Variants in FBN2 observed in about 807,000 individuals in gnomAD.
The protein encoded by FBN2 is fibrillin-2.
A neutral mutation model predicts 355.6 loss-of-function variants in FBN2; 105 were observed. That is an observed-to-expected ratio of 0.30 (90% CI 0.25 to 0.35). The LOEUF (loss-of-function observed/expected upper bound fraction) is 0.35, where lower values mean the gene tolerates loss of function less well. Ranked by LOEUF, FBN2 falls within the 10% of genes least tolerant of loss-of-function variation. FBN2 has a pLI of 1.00. For missense variants in FBN2, 3,280 were observed against 3,758.7 expected (o/e 0.87, Z 3.33); for synonymous variants, 1,350 against 1,301.2 (o/e 1.04, Z -0.81).
intron 4 of FBN2, among the ~76,000 whole-genome samples, chr5:128,524,596 T>G (rs1393757545): frequency 1.3e-5 from 2 of 152,186 alleles, no homozygotes; most frequent in Non-Finnish European, 2.9e-5. Flanking sequence ...GCAAGCATCC[T>G]ATTTCCAAGA....
At chr5:128,280,455 G>T in intron 55 of FBN2, 138 bp from the exon 56 acceptor site, 1 of 669,214 alleles carries the variant, frequency 1.5e-6, no homozygotes, top group Non-Finnish European at 2.6e-6. Flanking sequence ...GGTCATGTGT[G>T]AATATTAATT....
chr5:128,530,106 G>A (rs1439617154), intron 3 of FBN2, among the ~76,000 whole-genome samples: 2 of 151,992 alleles, frequency 1.3e-5, no homozygotes, highest in Admixed American at 6.6e-5. Context: ...ATTAATCTTC[G>A]ACCTTAAGGA....
intron 2 of FBN2, among the ~76,000 whole-genome samples, chr5:128,533,159 GTT>G (rs1213366021): frequency 6.6e-6 from 1 of 152,218 alleles, no homozygotes; most frequent in Non-Finnish European, 1.5e-5. Flanking sequence ...ATGTACTACA[GTT>G]TCTGATCACC....
rs967312376 is a variant in FBN2 at position 128,259,940 on chromosome 5, A to G, written c.8365-111T>C. ...TCACGAGGACAGGCTGTGGCTTCCC[A>G]CTCCCGCTTTCTGCACTCTCCTTAC... On this transcript the variant is annotated intron_variant, in intron 64 of 64. Coordinates refer to ENST00000262464, the MANE Select transcript of FBN2 (RefSeq NM_001999.4). 8.4e-5 allele frequency: 92 copies of G among 1,100,010 alleles called. No homozygotes were observed. In the African/African-American group the frequency reaches 1.3e-3, roughly 15 times the overall value. 68.1% of individuals were successfully genotyped at this position (1,100,010 alleles called of 1,614,324 possible). A position where few individuals can be genotyped will look rare whatever the true frequency, so the allele number is the denominator to read the frequency against.
chr5:128,369,343 G>A lies in FBN2; in HGVS notation c.2096-9C>T. 2 of 1,613,862 alleles carry A rather than the reference G, an allele frequency of 1.2e-6. No individual in the cohort carries two copies. Among genetic ancestry groups the A allele is most frequent in the East Asian group, 2.2e-5 (1 of 44,862 alleles). On this transcript the variant is annotated splice_polypyrimidine_tract_variant and intron_variant, in intron 15 of 64. Transcript: ENST00000262464. Reference sequence around the variant, plus strand: ...ACTGCGCATGTGAGTATCTAAAGGAGATACAAAAACAATGACTTGAGGCAG... The same window carrying A: ...ACTGCGCATGTGAGTATCTAAAGGAAATACAAAAACAATGACTTGAGGCAG...
chr5:128,400,390 C>T (rs1052309275), intron 8 of FBN2, among the ~76,000 whole-genome samples: 3 of 152,136 alleles, frequency 2.0e-5, no homozygotes, highest in Middle Eastern at 6.8e-3. Flanking sequence ...TAAAAAATTA[C>T]TAGACTACAT....
At chr5:128,310,400 ATATTTT>A (rs1270564083) in intron 39 of FBN2, among the ~76,000 whole-genome samples, 19 of 13,268 alleles carry the variant, frequency 1.4e-3, no homozygotes, top group African/African-American at 4.8e-3. Flanking sequence ...ATATATATAT[ATATTTT>A]TTTTTTTTTT....
intron 62 of FBN2, among the ~76,000 whole-genome samples, chr5:128,267,458 T>C (rs1765145579): frequency 6.6e-6 from 1 of 152,194 alleles, no homozygotes; most frequent in Non-Finnish European, 1.5e-5. Context: ...AGTTTTCCTA[T>C]TTCTCCACAG....
At chr5:128,275,279 T>C (rs1257531460) in intron 59 of FBN2, among the ~76,000 whole-genome samples, 1 of 152,114 alleles carries the variant, frequency 6.6e-6, no homozygotes, top group East Asian at 1.9e-4. Context: ...ATATACCACA[T>C]AAGATGTAGG....
chr5:128,297,202 A>G (rs1749547708), intron 48 of FBN2, among the ~76,000 whole-genome samples: 1 of 151,998 alleles, frequency 6.6e-6, no homozygotes, highest in African/African-American at 2.4e-5. Context: ...GGTCTGAGAG[A>G]TAGTTTGTTA....
At chr5:128,433,328 T>C (rs1753673846) in intron 7 of FBN2, among the ~76,000 whole-genome samples, 1 of 152,176 alleles carries the variant, frequency 6.6e-6, no homozygotes. Flanking sequence ...AGTTTGAAGT[T>C]AGACTGCAGT....
At position 128,357,189 on chromosome 5, in the gene FBN2, T is replaced by C. The variant is rs1561787344; in HGVS notation, c.2674+87A>G. On this transcript the variant is annotated intron_variant, in intron 20 of 64. Transcript: ENST00000262464. ...TGTAATTCTTTGCTTTTTGGAATCA[T>C]ATTCTGTTTTTATCCGTAGTAAGGC... 2.0e-6 allele frequency: 3 copies of C among 1,529,416 alleles called. No individual in the cohort carries two copies. The African/African-American group carries it at 4.1e-5, about 21-fold the overall frequency. The allele number at this position is 1,529,416 out of a possible 1,614,324, so 94.7% of individuals were successfully genotyped here. A position where few individuals can be genotyped will look rare whatever the true frequency, so the allele number is the denominator to read the frequency against.
At chr5:128,416,525 G>A (rs1387790801) in intron 7 of FBN2, among the ~76,000 whole-genome samples, 1 of 152,202 alleles carries the variant, frequency 6.6e-6, no homozygotes, top group Non-Finnish European at 1.5e-5. Flanking sequence ...CCTTCTTCTA[G>A]TAGTTTTATG....
chr5:128,497,447 A>T (rs1011232957), intron 5 of FBN2, among the ~76,000 whole-genome samples: 5 of 152,206 alleles, frequency 3.3e-5, no homozygotes, highest in African/African-American at 1.2e-4. Flanking sequence ...AGTCCACTTC[A>T]AACTTGTACA....
At chr5:128,494,525 T>C (rs1271065813) in intron 5 of FBN2, among the ~76,000 whole-genome samples, 1 of 152,304 alleles carries the variant, frequency 6.6e-6, no homozygotes, top group Admixed American at 6.5e-5. Flanking sequence ...GAGCAATTTA[T>C]ACCCCAGGGC....
intron 7 of FBN2, 74 bp from the exon 8 acceptor site, chr5:128,408,873 T>A (rs1752999527): frequency 5.8e-6 from 9 of 1,539,628 alleles, no homozygotes; most frequent in Admixed American, 1.7e-5. Flanking sequence ...ATTTTTTTTT[T>A]AAGAGTATGA....
At chr5:128,521,823 C>T (rs967298985) in intron 4 of FBN2, among the ~76,000 whole-genome samples, 4 of 152,146 alleles carry the variant, frequency 2.6e-5, no homozygotes, top group African/African-American at 7.2e-5. Flanking sequence ...GCAGGTAGAA[C>T]AAGGCTGGAT....
At chr5:128,409,212 A>G (rs183424240) in intron 7 of FBN2, among the ~76,000 whole-genome samples, 34 of 152,318 alleles carry the variant, frequency 2.2e-4, no homozygotes, top group Admixed American at 1.2e-3. Context: ...TTTTCACACT[A>G]TTTGAAGCAA....
intron 35 of FBN2, among the ~76,000 whole-genome samples, chr5:128,318,485 C>T (rs1048708939): frequency 6.6e-6 from 1 of 151,964 alleles, no homozygotes; most frequent in Non-Finnish European, 1.5e-5. Context: ...GTTTAACATC[C>T]TTAACAAATA....
Sources: gnomAD v4.1 joint callset for allele counts (sites outside exome capture counted in the v4.1 genomes callset) on GRCh38, gnomAD v4.1.1 for gene constraint, MANE v1.5 for transcripts, NCBI Gene and HGNC (gene_info 2026-07-23, HGNC 2026-07-21) for gene names.